Variants in RGS3 observed in about 807,000 individuals in gnomAD.
RGS3 encodes regulator of G protein signaling 3, also known as regulator of G-protein signalling 3.
In RGS3, 80 loss-of-function variants were observed where a neutral mutation model predicts 132.6. The observed-to-expected ratio is 0.60, with a 90% CI of 0.50 to 0.73. The LOEUF (loss-of-function observed/expected upper bound fraction) is 0.73, where lower values mean the gene tolerates loss of function less well. RGS3 is among the 30% of genes least tolerant of loss of function. The pLI is 0.00. For synonymous variants in RGS3, 598 were observed against 620.6 expected, an observed-to-expected ratio of 0.96 and a Z score of 0.54; for missense variants, 1,382 against 1,530.8, an observed-to-expected ratio of 0.90 and a Z score of 1.62.
chr9:113,487,463 G>A (rs1289173945), intron 7 of RGS3, among the ~76,000 whole-genome samples: 1 of 152,188 alleles, frequency 6.6e-6, no homozygotes, highest in Admixed American at 6.5e-5. Flanking sequence ...TTTGTCCTAA[G>A]TTTTCAGAAG....
chr9:113,512,547 G>A (rs1414048832), intron 14 of RGS3, among the ~76,000 whole-genome samples: 1 of 152,162 alleles, frequency 6.6e-6, no homozygotes, highest in Non-Finnish European at 1.5e-5. Flanking sequence ...GGCTGGGGGT[G>A]GGAGGAGGAA....
chr9:113,455,466 A>G (rs1427457610), upstream of RGS3, among the ~76,000 whole-genome samples: 1 of 152,194 alleles, frequency 6.6e-6, no homozygotes. Context: ...AGCAGAGACC[A>G]GGCACTCTGC....
chr9:113,584,088 G>A (rs1834978903), exon 20 of RGS3: 3 of 1,614,236 alleles, frequency 1.9e-6, no homozygotes, highest in Non-Finnish European at 2.5e-6. Context: ...AGGAGGGGGA[G>A]GAAGGGGAGG....
intron 19 of RGS3, among the ~76,000 whole-genome samples, chr9:113,576,028 G>A (rs1322499649): frequency 2.0e-5 from 3 of 151,866 alleles, no homozygotes; most frequent in Middle Eastern, 3.2e-3. Context: ...GTGAAACCCC[G>A]TCTCTACTAA....
intron 10 of RGS3, among the ~76,000 whole-genome samples, chr9:113,504,748 G>A (rs1831056296): frequency 1.3e-5 from 2 of 152,356 alleles, no homozygotes; most frequent in South Asian, 2.1e-4. Context: ...ACTTCTGAAA[G>A]TAGGAGTTGT....
At chr9:113,574,911 C>A (rs1173107532) in intron 19 of RGS3, among the ~76,000 whole-genome samples, 1 of 152,178 alleles carries the variant, frequency 6.6e-6, no homozygotes, top group Non-Finnish European at 1.5e-5. Context: ...AGCTAGGAAC[C>A]CCCCTGCTCT....
At chr9:113,563,212 C>T (rs1266295600) in intron 19 of RGS3, among the ~76,000 whole-genome samples, 4 of 152,202 alleles carry the variant, frequency 2.6e-5, no homozygotes, top group Non-Finnish European at 5.9e-5. Flanking sequence ...CCCATCACAG[C>T]ATAGGGCGTA....
rs529686258 is a variant in RGS3 at position 113,548,767 on chromosome 9, T to G, written c.2037+11849T>G. Among the ~76,000 whole-genome samples, 4 of 152,186 alleles carry G rather than the reference T, an allele frequency of 2.6e-5. No homozygotes were observed. The East Asian group carries it at 7.7e-4, about 29-fold the overall frequency. On this transcript the variant is annotated intron_variant, in intron 19 of 24. Coordinates refer to ENST00000350696, the Ensembl canonical transcript of RGS3. ...AGCAAGCCCAGAGAGAAGGGCCCAG[T>G]TGGCAGGCTGTTTTTCCCTGGCTGT...
upstream of RGS3, among the ~76,000 whole-genome samples, chr9:113,459,248 A>C (rs1323803810): frequency 1.3e-5 from 2 of 152,190 alleles, no homozygotes; most frequent in South Asian, 2.1e-4. Context: ...TGAAGATCTT[A>C]TAGAATTAGC....
At chr9:113,448,831 AC>A (rs1370801999) in intron 1 of RGS3, among the ~76,000 whole-genome samples, 2 of 152,238 alleles carry the variant, frequency 1.3e-5, no homozygotes, top group African/African-American at 2.4e-5. Flanking sequence ...CAAAGAAAGA[AC>A]TACAGTGATG....
chr9:113,479,284 C>T, intron 3 of RGS3: 1 of 619,602 alleles, frequency 1.6e-6, no homozygotes, highest in Non-Finnish European at 2.9e-6. Flanking sequence ...TAGAGAACCA[C>T]TGCTGGAGGC....
chr9:113,485,368 C>T (rs545268285), intron 6 of RGS3, among the ~76,000 whole-genome samples: 14 of 152,310 alleles, frequency 9.2e-5, no homozygotes, highest in Admixed American at 9.2e-4. Flanking sequence ...GGATTACAGG[C>T]ATGAGCCACT....
chr9:113,488,510 C>CA (rs563744881), intron 7 of RGS3, among the ~76,000 whole-genome samples: 87 of 152,194 alleles, frequency 5.7e-4, no homozygotes, highest in Non-Finnish European at 1.2e-3. Context: ...CTGAAGGAGA[C>CA]AGCAGAGTGT....
chr9:113,495,705 A>C, intron 7 of RGS3, 81 bp from the exon 6 acceptor site: 2 of 1,150,926 alleles, frequency 1.7e-6, no homozygotes, highest in Non-Finnish European at 2.6e-6. Flanking sequence ...GCATCAGGCA[A>C]ACCCATGCTA....
intron 24 of RGS3, 92 bp downstream of exon 22, chr9:113,595,857 G>T: frequency 7.1e-7 from 1 of 1,412,280 alleles, no homozygotes; most frequent in Non-Finnish European, 9.8e-7. Flanking sequence ...ACAGGAAGGG[G>T]AGAGGCCAGA....
exon 23 of RGS3, chr9:113,594,978 A>G (rs763043351): frequency 6.2e-7 from 1 of 1,614,012 alleles, no homozygotes; most frequent in Admixed American, 1.7e-5. Context: ...CTGGTTCACA[A>G]ATGTAAGTTG....
chr9:113,596,249 G>A (rs559046658), intron 24 of RGS3, among the ~76,000 whole-genome samples: 48 of 152,292 alleles, frequency 3.2e-4, no homozygotes, highest in African/African-American at 1.1e-3. Flanking sequence ...CAGGATAATC[G>A]CTTGAACCCG....
chr9:113,565,302 G>A lies in RGS3; in HGVS notation c.2038-18148G>A. On this transcript the variant is annotated intron_variant, in intron 19 of 24. Coordinates refer to ENST00000350696, the Ensembl canonical transcript of RGS3. This position sits in a 1 kb window ranked among gnomAD's most constrained non-coding sequence, Gnocchi z 5.7. Reference sequence around the variant, plus strand: ...GCTTTGAGAAACCACAGAGTTTTCTGTTTAATGGAAGAAAGAAATCCAGCC... The same window carrying A: ...GCTTTGAGAAACCACAGAGTTTTCTATTTAATGGAAGAAAGAAATCCAGCC... 7.8e-7 allele frequency: 1 copy of A among 1,289,726 alleles called. No homozygotes were observed. 79.9% of individuals were successfully genotyped at this position (1,289,726 alleles called of 1,614,324 possible).
chr9:113,572,586 G>A (rs1437172088), intron 19 of RGS3, among the ~76,000 whole-genome samples: 1 of 152,194 alleles, frequency 6.6e-6, no homozygotes, highest in Non-Finnish European at 1.5e-5. Context: ...GGAGGGCAGT[G>A]GGGCAGACTG....
Sources: allele counts gnomAD v4.1 joint callset (sites outside exome capture counted in the v4.1 genomes callset), GRCh38; gene constraint gnomAD v4.1.1; non-coding constraint Gnocchi (gnomAD v3.1); transcripts MANE v1.5; gene names NCBI Gene and HGNC (gene_info 2026-07-23, HGNC 2026-07-21).